Variants in ZNF804A observed in about 807,000 individuals in gnomAD.
The protein encoded by ZNF804A is zinc finger protein 804A.
ZNF804A carries 2 observed loss-of-function variants against 16.5 expected under a neutral mutation model. The ratio of observed to expected loss-of-function variants is 0.12; its 90% CI spans 0.05 to 0.38. ZNF804A has a LOEUF of 0.38. Ranked by LOEUF, ZNF804A falls within the 10% of genes least tolerant of loss-of-function variation. The pLI, the probability that ZNF804A is intolerant of heterozygous loss-of-function variation, is 0.99. For missense variants in ZNF804A, 1,473 were observed against 1,390.7 expected (o/e 1.06, Z -0.94); for synonymous variants, 534 against 489.6 (o/e 1.09, Z -1.20).
At position 184,936,631 on chromosome 2, in the gene ZNF804A, A is replaced by T. The variant is rs751217226; in HGVS notation, c.1235A>T (p.His412Leu). The change falls in exon 4 of 4, where the codon CAT (histidine) becomes CTT (leucine). Residue 412 changes from histidine to leucine, a missense_variant. By Grantham distance (99) the His-to-Leu change is moderately conservative. Coordinates refer to ENST00000302277, the MANE Select transcript of ZNF804A (RefSeq NM_194250.2). ...SNTEEVNITI[H>L]KKTNFCKRQC... Reference sequence around the variant, plus strand: ...ACTGAAGAGGTTAACATAACTATACATAAGAAAACAAATTTCTGCAAAAGA... The same window carrying T: ...ACTGAAGAGGTTAACATAACTATACTTAAGAAAACAAATTTCTGCAAAAGA... The T allele has an allele frequency of 4.3e-6, 7 of 1,614,044 alleles. No homozygotes were observed. The highest frequency in any genetic ancestry group is 5.9e-6 in the Non-Finnish European group (7 of 1,179,940).
intron 1 of ZNF804A, among the ~76,000 whole-genome samples, chr2:184,812,987 G>T (rs534875228): frequency 6.6e-6 from 1 of 152,152 alleles, no homozygotes; most frequent in African/African-American, 2.4e-5. Flanking sequence ...CACTAAAAAA[G>T]AAATGCCAAA....
chr2:184,649,643 C>T, intron 1 of ZNF804A, among the ~76,000 whole-genome samples: 1 of 151,694 alleles, frequency 6.6e-6, no homozygotes, highest in Non-Finnish European at 1.5e-5. Flanking sequence ...TTATAAATAC[C>T]CCTATACACA....
intron 1 of ZNF804A, among the ~76,000 whole-genome samples, chr2:184,600,850 T>G (rs1691033371): frequency 6.6e-6 from 1 of 152,168 alleles, no homozygotes; most frequent in Admixed American, 6.5e-5. Flanking sequence ...ATGACTTACA[T>G]TTGCAAAAGG....
chr2:184,880,513 A>G (rs747894866), intron 2 of ZNF804A, among the ~76,000 whole-genome samples: 16 of 152,102 alleles, frequency 1.1e-4, no homozygotes, highest in South Asian at 4.1e-4. Flanking sequence ...AGGCAAACAC[A>G]AGTTATTGTG....
At chr2:184,763,249 G>A (rs1399983627) in intron 1 of ZNF804A, among the ~76,000 whole-genome samples, 1 of 152,048 alleles carries the variant, frequency 6.6e-6, no homozygotes, top group Non-Finnish European at 1.5e-5. Flanking sequence ...GTTAAGTAAA[G>A]GTGAGCTCTT....
intron 1 of ZNF804A, among the ~76,000 whole-genome samples, chr2:184,777,556 G>C (rs745620919): frequency 1.4e-5 from 2 of 147,112 alleles, no homozygotes; most frequent in African/African-American, 5.4e-5. Context: ...AAAAAATGCT[G>C]TCTACATTTT....
intron 1 of ZNF804A, among the ~76,000 whole-genome samples, chr2:184,864,240 G>T (rs907346319): frequency 2.0e-5 from 3 of 152,136 alleles, no homozygotes; most frequent in African/African-American, 7.2e-5. Context: ...CACGGTACAA[G>T]AGGAAGCAAG....
intron 1 of ZNF804A, among the ~76,000 whole-genome samples, chr2:184,833,627 ATT>A (rs1695299619): frequency 6.6e-6 from 1 of 152,026 alleles, no homozygotes; most frequent in South Asian, 2.1e-4. Context: ...TTTGTTGTTA[ATT>A]TCAAGTTATT....
intron 2 of ZNF804A, among the ~76,000 whole-genome samples, chr2:184,925,018 T>C (rs1384340245): frequency 6.6e-6 from 1 of 152,008 alleles, no homozygotes; most frequent in African/African-American, 2.4e-5. Flanking sequence ...ATTCTGTAGC[T>C]GTTGGATGAA....
rs2054550 is a variant in ZNF804A, at chr2:184,637,205, G to A, written c.111+38135G>A. On this transcript the variant is annotated intron_variant, in intron 1 of 3. Transcript: ENST00000302277. The stretch of plus-strand genomic sequence containing the variant: ...AAAGACAAATTTTTATCTGCTGTAG[G>A]TGGTTCCTTTAGAACTCCTGATAAT... Among the ~76,000 whole-genome samples the A allele has an allele frequency of 9.8e-3, 1,484 of 152,190 alleles. 36 individuals carry two copies. Among genetic ancestry groups the A allele is most frequent in the African/African-American group, 0.034 (1,406 of 41,552 alleles).
chr2:184,836,336 G>A (rs369334149), intron 1 of ZNF804A, among the ~76,000 whole-genome samples: 22 of 152,128 alleles, frequency 1.4e-4, no homozygotes, highest in East Asian at 5.8e-4. Context: ...AAATCTGTTC[G>A]TGTTCACAAA....
intron 1 of ZNF804A, among the ~76,000 whole-genome samples, chr2:184,826,186 C>T (rs1212921767): frequency 6.6e-6 from 1 of 152,004 alleles, no homozygotes; most frequent in Non-Finnish European, 1.5e-5. Context: ...GCCCAGCTCC[C>T]TTTTTACTTT....
chr2:184,601,078 C>G (rs1477728712), intron 1 of ZNF804A, among the ~76,000 whole-genome samples: 1 of 151,922 alleles, frequency 6.6e-6, no homozygotes, highest in Non-Finnish European at 1.5e-5. Context: ...TTAAAACGGC[C>G]CAAGTTTGTA....
At chr2:184,774,300 G>T (rs149861876) in intron 1 of ZNF804A, among the ~76,000 whole-genome samples, 1 of 151,926 alleles carries the variant, frequency 6.6e-6, no homozygotes, top group Non-Finnish European at 1.5e-5. Flanking sequence ...CTAATGTCCA[G>T]GTTGGCAAAC....
chr2:184,616,265 C>A (rs374190054), intron 1 of ZNF804A, among the ~76,000 whole-genome samples: 6 of 152,032 alleles, frequency 3.9e-5, no homozygotes, highest in Non-Finnish European at 7.4e-5. Flanking sequence ...AGCTGTGTAA[C>A]CTGAGTCAGT....
chr2:184,845,239 A>G (rs555010986), intron 1 of ZNF804A, among the ~76,000 whole-genome samples: 150 of 152,062 alleles, frequency 9.9e-4, no homozygotes, highest in African/African-American at 3.6e-3. Context: ...TTTTCTTCAG[A>G]CTGTTTTTTC....
intron 1 of ZNF804A, among the ~76,000 whole-genome samples, chr2:184,789,345 C>T (rs973045842): frequency 6.6e-6 from 1 of 151,994 alleles, no homozygotes; most frequent in South Asian, 2.1e-4. Context: ...ACACCTAATT[C>T]GTAGAATGAG....
In ZNF804A at chr2:184,939,015, C is replaced by T. The variant is rs139802103; in HGVS notation, c.3619C>T (p.Pro1207Ser). The part of the protein sequence containing the change: ...SPHPTVIPLQ[P>S]LF ...ACACCCTACTGTCATCCCTTTGCAA[C>T]CTCTCTTCTAGTCATCACCATAATG... Residue 1207 changes from proline (P) to serine (S), a missense_variant, in exon 4 of 4, where the codon CCT becomes TCT. Physicochemically the swap from Pro to Ser is moderately conservative, Grantham distance 74. Transcript: ENST00000302277. 47 of 1,613,600 alleles carry T rather than the reference C, an allele frequency of 2.9e-5. No individual in the cohort carries two copies. Among genetic ancestry groups the T allele is most frequent in the African/African-American group, 4.0e-5 (3 of 74,908 alleles).
intron 1 of ZNF804A, among the ~76,000 whole-genome samples, chr2:184,633,606 G>C (rs1157092235): frequency 1.3e-5 from 2 of 151,962 alleles, no homozygotes; most frequent in Non-Finnish European, 2.9e-5. Context: ...CTTGTTTTAA[G>C]GATAAAAAGT....
Sources: gnomAD v4.1 joint callset for allele counts (sites outside exome capture counted in the v4.1 genomes callset) on GRCh38, gnomAD v4.1.1 for gene constraint, MANE v1.5 for transcripts, NCBI Gene and HGNC (gene_info 2026-07-23, HGNC 2026-07-21) for gene names.